Variants in SLC24A2 observed in about 807,000 individuals in gnomAD.
The protein encoded by SLC24A2 is solute carrier family 24 member 2.
SLC24A2 carries 36 observed loss-of-function variants against 62.0 expected under a neutral mutation model. The observed-to-expected ratio is 0.58, with a 90% CI of 0.44 to 0.77. SLC24A2 has a LOEUF of 0.77. SLC24A2 is among the 30% of genes least tolerant of loss of function. The pLI is 0.00. For synonymous variants in SLC24A2, 358 were observed against 294.0 expected (o/e 1.22, Z -2.23); for missense variants, 846 against 817.9 (o/e 1.03, Z -0.42).
At chr9:20,104,547 G>A in the SLC24A2 span, among the ~76,000 whole-genome samples, 21 of 152,284 alleles carry the variant, frequency 1.4e-4, 1 homozygote, top group Non-Finnish European at 2.4e-4. Flanking sequence ...CCAATATTCA[G>A]CATTCTTAAA....
the SLC24A2 span, among the ~76,000 whole-genome samples, chr9:19,908,528 C>T: frequency 3.3e-5 from 5 of 152,038 alleles, no homozygotes; most frequent in East Asian, 7.7e-4. Flanking sequence ...CAAAAGAAAC[C>T]ACCATCAGAG....
At chr9:19,614,802 CT>C (rs762907066) in intron 4 of SLC24A2, among the ~76,000 whole-genome samples, 1 of 152,052 alleles carries the variant, frequency 6.6e-6, no homozygotes, top group Non-Finnish European at 1.5e-5. Context: ...TTGAGCCCAG[CT>C]TTCCACTGTG....
intron 4 of SLC24A2, among the ~76,000 whole-genome samples, chr9:19,619,033 G>C (rs1328052132): frequency 2.6e-5 from 4 of 152,134 alleles, no homozygotes; most frequent in African/African-American, 9.7e-5. Flanking sequence ...GGTCTCCAAT[G>C]ACAGCTCCTA....
At chr9:20,003,525 C>T in the SLC24A2 span, among the ~76,000 whole-genome samples, 700 of 152,028 alleles carry the variant, frequency 4.6e-3, 3 homozygotes, top group Non-Finnish European at 8.2e-3. Context: ...CCCTCATATT[C>T]CTTGAGGTAT....
chr9:20,102,279 G>A, the SLC24A2 span, among the ~76,000 whole-genome samples: 3 of 152,036 alleles, frequency 2.0e-5, no homozygotes, highest in East Asian at 5.8e-4. Flanking sequence ...ACAAAATGTG[G>A]CACATATACA....
chr9:20,214,914 C>G, the SLC24A2 span, among the ~76,000 whole-genome samples: 1 of 152,176 alleles, frequency 6.6e-6, no homozygotes, highest in African/African-American at 2.4e-5. Context: ...ACCGTACAGT[C>G]TCACTTATTT....
At chr9:20,152,451 G>A in the SLC24A2 span, among the ~76,000 whole-genome samples, 2 of 151,876 alleles carry the variant, frequency 1.3e-5, no homozygotes, top group Non-Finnish European at 2.9e-5. Context: ...AGACTGTGTA[G>A]TAAATGTGCT....
At chr9:19,764,891 G>C (rs1463150677) in intron 2 of SLC24A2, among the ~76,000 whole-genome samples, 1 of 152,100 alleles carries the variant, frequency 6.6e-6, no homozygotes. Context: ...ATTGACAGTG[G>C]GGTGTTAAAG....
chr9:20,270,460 T>C, the SLC24A2 span, among the ~76,000 whole-genome samples: 2 of 152,194 alleles, frequency 1.3e-5, no homozygotes, highest in African/African-American at 4.8e-5. Flanking sequence ...TCCATCCTTC[T>C]TCCTCCCTTC....
chr9:19,700,547 G>A (rs1044449021), intron 2 of SLC24A2, among the ~76,000 whole-genome samples: 12 of 152,138 alleles, frequency 7.9e-5, no homozygotes, highest in Non-Finnish European at 2.9e-5. Context: ...ATCAATGTGA[G>A]GACTGTGGAC....
intron 5 of SLC24A2, among the ~76,000 whole-genome samples, chr9:19,586,415 G>C (rs529752052): frequency 6.6e-6 from 1 of 152,110 alleles, no homozygotes; most frequent in Non-Finnish European, 1.5e-5. Context: ...CAGATTTTTC[G>C]CTATATGAAA....
At chr9:20,069,835 C>A in the SLC24A2 span, among the ~76,000 whole-genome samples, 5 of 152,134 alleles carry the variant, frequency 3.3e-5, no homozygotes, top group Non-Finnish European at 7.4e-5. Flanking sequence ...ATTTACTTAT[C>A]TGTCTCCTCA....
the SLC24A2 span, among the ~76,000 whole-genome samples, chr9:20,056,477 G>C: frequency 6.6e-6 from 1 of 152,130 alleles, no homozygotes; most frequent in Non-Finnish European, 1.5e-5. Flanking sequence ...ACAAATGTTT[G>C]GATTAATAAT....
chr9:19,521,135 C>A (rs1044321988), intron 9 of SLC24A2, 75 bp from the exon 10 acceptor site: 4 of 1,356,912 alleles, frequency 2.9e-6, no homozygotes, highest in East Asian at 2.4e-5. Flanking sequence ...AATTTCAATG[C>A]GACCTCCTTT....
the SLC24A2 span, among the ~76,000 whole-genome samples, chr9:20,196,582 C>T: frequency 1.3e-5 from 2 of 152,118 alleles, no homozygotes; most frequent in African/African-American, 4.8e-5. Context: ...TAACAATCAG[C>T]TAGAATTAAA....
the SLC24A2 span, among the ~76,000 whole-genome samples, chr9:19,798,453 T>G: frequency 6.6e-6 from 1 of 152,214 alleles, no homozygotes; most frequent in South Asian, 2.1e-4. Flanking sequence ...ACTTGTACAA[T>G]TTTTATATTA....
chr9:19,732,456 T>C (rs1821368492), intron 2 of SLC24A2, among the ~76,000 whole-genome samples: 1 of 152,210 alleles, frequency 6.6e-6, no homozygotes, highest in Non-Finnish European at 1.5e-5. Context: ...CAGCCTTTCT[T>C]ATTTTTTTAA....
chr9:19,845,385 A>C, the SLC24A2 span, among the ~76,000 whole-genome samples: 1 of 152,138 alleles, frequency 6.6e-6, no homozygotes, highest in Non-Finnish European at 1.5e-5. Flanking sequence ...CACTTTACTG[A>C]AGTTATTTAT....
chr9:19,774,873 T>A (rs1331306790), intron 2 of SLC24A2, among the ~76,000 whole-genome samples: 1 of 152,172 alleles, frequency 6.6e-6, no homozygotes, highest in African/African-American at 2.4e-5. Flanking sequence ...GACCTAACTA[T>A]CTCTTCTGTT....
Sources: allele counts gnomAD v4.1 joint callset (sites outside exome capture counted in the v4.1 genomes callset), GRCh38; gene constraint gnomAD v4.1.1; transcripts MANE v1.5; gene names NCBI Gene and HGNC (gene_info 2026-07-23, HGNC 2026-07-21).